Variants in GPR63 observed in about 807,000 individuals in gnomAD.
GPR63 encodes probable G protein-coupled receptor 63.
GPR63 carries 12 observed loss-of-function variants against 23.1 expected under a neutral mutation model. The ratio of observed to expected loss-of-function variants is 0.52; its 90% CI spans 0.33 to 0.84. The LOEUF is 0.84. GPR63 is among the 40% of genes least tolerant of loss of function. GPR63 has a pLI of 0.02. For missense variants in GPR63, 472 were observed against 515.6 expected (o/e 0.92, Z 0.82); for synonymous variants, 172 against 191.1 (o/e 0.90, Z 0.82).
rs1184295932 is a variant in GPR63 at position 96,799,663 on chromosome 6, T to C, written c.69A>G (p.Glu23=). 1 of 1,614,132 alleles carries C rather than the reference T, an allele frequency of 6.2e-7. No individual in the cohort carries two copies. The highest frequency in any genetic ancestry group is 8.5e-7 in the Non-Finnish European group (1 of 1,180,010). Reference sequence around the variant, plus strand: ...GGAGTGTAATATTCATGTAGGTGTTTTCATACACGACAAATGTTGTGTTGG... The same window carrying C: ...GGAGTGTAATATTCATGTAGGTGTTCTCATACACGACAAATGTTGTGTTGG... ...GTSNTTFVVY[E]NTYMNITLPP... Residue 23 remains glutamate, a synonymous_variant, in exon 2 of 2, where the codon GAA becomes GAG. Transcript: ENST00000229955.
In GPR63 at chr6:96,799,074, G is replaced by C. The variant is rs748781861; in HGVS notation, c.658C>G (p.Leu220Val). 5 of 1,614,198 alleles carry C rather than the reference G, an allele frequency of 3.1e-6. No homozygotes were observed. The highest frequency in any genetic ancestry group is 4.2e-6 in the Non-Finnish European group (5 of 1,180,038). ...TGGGGAGCTCGGGAAGGTATCTGCA[G>C]GTCGGGGTTTCCTACGGCTAAAGGA... ...AFPLAVGNPD[L>V]QIPSRAPQCV... Residue 220 changes from leucine to valine, a missense_variant, in exon 2 of 2, where the codon CTG (leucine) becomes GTG (valine). By Grantham distance (32) the Leu-to-Val change is conservative (BLOSUM62 1). Coordinates refer to ENST00000229955, the MANE Select transcript of GPR63 (RefSeq NM_030784.4).
chr6:96,796,187 A>G lies in GPR63; in HGVS notation c.*2285T>C, dbSNP rs1773574392. 1 of 152,226 alleles carries G rather than the reference A, an allele frequency of 6.6e-6. No individual in the cohort carries two copies. Among genetic ancestry groups the G allele is most frequent in the African/African-American group, 2.4e-5 (1 of 41,464 alleles). The allele number at this position is 152,226 out of a possible 1,614,324, so 9.4% of individuals were successfully genotyped here. ...GACATTTAATATTAAGAAATAGCTAATGAAGTAAAATGTAAAGAAGTAATA... is the reference window on the plus strand; with the variant it reads ...GACATTTAATATTAAGAAATAGCTAGTGAAGTAAAATGTAAAGAAGTAATA... On this transcript the variant is annotated 3_prime_UTR_variant, in exon 2 of 2. Transcript: ENST00000229955.
rs1185897321 is a variant in GPR63 at position 96,813,041 on chromosome 6, A to G, written c.-150-13160T>C. 2.0e-5 allele frequency among the ~76,000 whole-genome samples: 3 copies of G among 152,020 alleles called. No individual in the cohort carries two copies. In the East Asian group the frequency reaches 5.8e-4, roughly 29 times the overall value. ...CCTAGCTCCTGATATCTATCATTCT[A>G]TTCTCTACCTCCATGACATAGCTTC... On this transcript the variant is annotated intron_variant, in intron 1 of 1. Transcript: ENST00000229955.
In GPR63 at chr6:96,798,548, T is replaced by C; in HGVS notation, c.1184A>G (p.Gln395Arg). ...MMPKSFKFLP[Q>R]LPGHTKRRIR... ...CCGTCGCTTTGTGTGACCAGGGAGC[T>C]GCGGCAAAAACTTGAAGGACTTAGG... is the stretch of plus-strand genomic sequence containing the variant. The change falls in exon 2 of 2, where the codon CAG (glutamine) becomes CGG (arginine). Residue 395 changes from glutamine (Q) to arginine (R), a missense_variant. Coordinates refer to ENST00000229955, the MANE Select transcript of GPR63 (RefSeq NM_030784.4). The C allele has an allele frequency of 1.9e-6, 3 of 1,614,194 alleles. No homozygotes were observed. Among genetic ancestry groups the C allele is most frequent in the Non-Finnish European group, 2.5e-6 (3 of 1,180,032 alleles).
At chr6:96,826,009 A>G (rs530553683) in intron 1 of GPR63, among the ~76,000 whole-genome samples, 1 of 152,134 alleles carries the variant, frequency 6.6e-6, no homozygotes, top group Non-Finnish European at 1.5e-5. Context: ...TATAAAAAAT[A>G]AAAAGAATAA....
chr6:96,821,098 G>A (rs1000435712), intron 1 of GPR63, among the ~76,000 whole-genome samples: 2 of 152,144 alleles, frequency 1.3e-5, no homozygotes, highest in African/African-American at 4.8e-5. Flanking sequence ...GTGTGTCACT[G>A]GGCAGGTTAC....
At chr6:96,828,463 T>G (rs1041729439) in intron 1 of GPR63, among the ~76,000 whole-genome samples, 1 of 151,724 alleles carries the variant, frequency 6.6e-6, no homozygotes, top group African/African-American at 2.4e-5. Context: ...GATATTAACT[T>G]TAGACTAGAA....
intron 1 of GPR63, among the ~76,000 whole-genome samples, chr6:96,824,544 C>T (rs572322762): frequency 8.3e-4 from 124 of 149,310 alleles, no homozygotes; most frequent in African/African-American, 3.0e-3. Context: ...TACTGCATGT[C>T]ACCTACCAAC....
In GPR63 at chr6:96,798,757, G is replaced by C. The variant is rs1273540861; in HGVS notation, c.975C>G (p.Val325=). Residue 325 remains valine (V), a synonymous_variant, in exon 2 of 2, where the codon GTC becomes GTG. Transcript: ENST00000229955. The part of the protein sequence containing the change: ...TILILFAVFI[V]CWAPFTTYSL... ...TGTAAGTGGTGAATGGGGCCCAGCA[G>C]ACAATGAAGACAGCAAAGAGAATCA... 1.2e-6 allele frequency: 2 copies of C among 1,614,040 alleles called. No individual in the cohort carries two copies. The highest frequency in any genetic ancestry group is 2.2e-5 in the South Asian group (2 of 91,084).
Position 96,798,897 on chromosome 6 carries a change from A to C in GPR63, c.835T>G (p.Tyr279Asp). 1 of 1,614,234 alleles carries C rather than the reference A, an allele frequency of 6.2e-7. No homozygotes were observed. Among genetic ancestry groups the C allele is most frequent in the Non-Finnish European group, 8.5e-7 (1 of 1,180,042 alleles). Residue 279 changes from tyrosine to aspartate, a missense_variant, in exon 2 of 2, where the codon TAC becomes GAC. Coordinates refer to ENST00000229955, the MANE Select transcript of GPR63 (RefSeq NM_030784.4). ...LRHNALRIHS[Y>D]PEGICLSQAS... ...TGGCTGAGGCATATACCTTCAGGGT[A>C]GCTATGGATCCTCAAGGCATTGTGC... is the stretch of plus-strand genomic sequence containing the variant.
chr6:96,800,362 C>T (rs886132697), intron 1 of GPR63, among the ~76,000 whole-genome samples: 11 of 152,032 alleles, frequency 7.2e-5, no homozygotes, highest in Admixed American at 4.6e-4. Flanking sequence ...AAACCTAAAG[C>T]AGGTTTCCTA....
At chr6:96,830,935 T>C (rs1251715440) in intron 1 of GPR63, among the ~76,000 whole-genome samples, 1 of 152,150 alleles carries the variant, frequency 6.6e-6, no homozygotes, top group Admixed American at 6.5e-5. Context: ...TTTCATATTA[T>C]TGACAGAAAG....
chr6:96,801,303 G>A (rs1223973327), intron 1 of GPR63, among the ~76,000 whole-genome samples: 1 of 151,580 alleles, frequency 6.6e-6, no homozygotes, highest in Non-Finnish European at 1.5e-5. Context: ...GGGTTCAAGC[G>A]GTTCTCCTAC....
At chr6:96,815,105 A>G (rs1456541958) in intron 1 of GPR63, among the ~76,000 whole-genome samples, 1 of 152,224 alleles carries the variant, frequency 6.6e-6, no homozygotes, top group Admixed American at 6.5e-5. Flanking sequence ...GTGGTCTAAC[A>G]CTTCAACTCC....
chr6:96,832,432 CT>C (rs35248428), intron 1 of GPR63, among the ~76,000 whole-genome samples: 17 of 144,660 alleles, frequency 1.2e-4, no homozygotes, highest in Non-Finnish European at 1.1e-4. Context: ...ACCTGACTAA[CT>C]TTTTTTTTTT....
intron 1 of GPR63, among the ~76,000 whole-genome samples, chr6:96,823,191 C>T (rs1383942412): frequency 1.3e-5 from 2 of 152,128 alleles, no homozygotes; most frequent in African/African-American, 4.8e-5. Flanking sequence ...TAGAGTACTA[C>T]TTATTAAGAT....
intron 1 of GPR63, among the ~76,000 whole-genome samples, chr6:96,813,413 C>T (rs1432268975): frequency 1.3e-5 from 2 of 152,142 alleles, no homozygotes; most frequent in Non-Finnish European, 2.9e-5. Context: ...GAGAAAACTC[C>T]ATACTGACCC....
intron 1 of GPR63, among the ~76,000 whole-genome samples, chr6:96,834,865 A>G (rs146972065): frequency 5.6e-4 from 85 of 152,306 alleles, no homozygotes; most frequent in African/African-American, 1.9e-3. Context: ...CAAGTGCTTA[A>G]GACATCATTT....
intron 1 of GPR63, among the ~76,000 whole-genome samples, chr6:96,836,932 G>T (rs371226373): frequency 1.3e-5 from 2 of 152,094 alleles, no homozygotes; most frequent in South Asian, 2.1e-4. Flanking sequence ...GAAAGGAGCC[G>T]GCATGGGGTG....
Sources: gnomAD v4.1 joint callset for allele counts (sites outside exome capture counted in the v4.1 genomes callset) on GRCh38, gnomAD v4.1.1 for gene constraint, MANE v1.5 for transcripts, NCBI Gene and HGNC (gene_info 2026-07-23, HGNC 2026-07-21) for gene names.